CYP7B1: variants seen among roughly 807,000 people sequenced by gnomAD.
CYP7B1 encodes cytochrome P450 7B1.
CYP7B1 carries 29 observed loss-of-function variants against 42.7 expected under a neutral mutation model. That is an observed-to-expected ratio of 0.68 (90% CI 0.51 to 0.93). The LOEUF (loss-of-function observed/expected upper bound fraction) is 0.93. CYP7B1 is among the 40% of genes least tolerant of loss of function. CYP7B1 has a pLI of 0.00. For synonymous variants in CYP7B1, 235 were observed against 218.2 expected (o/e 1.08, Z -0.68); for missense variants, 655 against 600.5 (o/e 1.09, Z -0.95).
At position 64,754,910 on chromosome 8, in the gene CYP7B1, A is replaced by T. The variant is rs189854750; in HGVS notation, c.122+43556T>A. Among the ~76,000 whole-genome samples the T allele has an allele frequency of 3.3e-5, 5 of 152,326 alleles. No individual in the cohort carries two copies. In the East Asian group the frequency reaches 9.6e-4, roughly 29 times the overall value. On this transcript the variant is annotated intron_variant, in intron 1 of 5. Transcript: ENST00000310193. ...TTTCAGATCAAGAAATGAGTCAGTG[A>T]AAGATCTTGAAGATCTTAAGAGCAG... is the stretch of plus-strand genomic sequence containing the variant.
intron 1 of CYP7B1, among the ~76,000 whole-genome samples, chr8:64,676,268 A>T (rs1352734962): frequency 6.6e-6 from 1 of 152,122 alleles, no homozygotes; most frequent in Admixed American, 6.6e-5. Flanking sequence ...GAATTGGACA[A>T]AGTGCTTTAG....
At chr8:64,679,070 C>T (rs1585850253) in intron 1 of CYP7B1, among the ~76,000 whole-genome samples, 1 of 151,930 alleles carries the variant, frequency 6.6e-6, no homozygotes, top group South Asian at 2.1e-4. Flanking sequence ...GTAGAGTTGG[C>T]GATTCATAAA....
chr8:64,779,967 A>G (rs148810353), intron 1 of CYP7B1, among the ~76,000 whole-genome samples: 70 of 152,268 alleles, frequency 4.6e-4, no homozygotes, highest in African/African-American at 1.5e-3. Flanking sequence ...ACTGTTATAC[A>G]TATTTTTAAA....
chr8:64,626,074 T>C lies in CYP7B1; in HGVS notation c.123-1535A>G, dbSNP rs1483479928. Among the ~76,000 whole-genome samples the C allele has an allele frequency of 3.3e-5, 5 of 152,174 alleles. No individual in the cohort carries two copies. The East Asian group carries it at 9.6e-4, about 29-fold the overall frequency. ...ACCGAGTTTAGAACTAGATGGCACC[T>C]TGGAGACTTTCATGCAATTTCTCAT... is the stretch of plus-strand genomic sequence containing the variant. On this transcript the variant is annotated intron_variant, in intron 1 of 5. Transcript: ENST00000310193.
chr8:64,669,192 G>C (rs780809930), intron 1 of CYP7B1, among the ~76,000 whole-genome samples: 4 of 152,224 alleles, frequency 2.6e-5, no homozygotes, highest in Non-Finnish European at 5.9e-5. Context: ...GATAATTCCA[G>C]GGCTGTTGAT....
intron 1 of CYP7B1, among the ~76,000 whole-genome samples, chr8:64,648,637 G>A (rs544830494): frequency 1.9e-4 from 29 of 152,220 alleles, no homozygotes; most frequent in African/African-American, 5.5e-4. Context: ...ATTCTGTTTT[G>A]CTCTAGCCTC....
At chr8:64,692,001 A>G (rs1383331410) in intron 1 of CYP7B1, among the ~76,000 whole-genome samples, 1 of 152,246 alleles carries the variant, frequency 6.6e-6, no homozygotes, top group African/African-American at 2.4e-5. Context: ...GTCAGTCAGC[A>G]TCAACTGAAT....
At chr8:64,703,579 G>A (rs986897858) in intron 1 of CYP7B1, among the ~76,000 whole-genome samples, 5 of 151,926 alleles carry the variant, frequency 3.3e-5, no homozygotes, top group Admixed American at 6.6e-5. Flanking sequence ...GTAAACAAAC[G>A]AAAGAAGCAT....
At chr8:64,642,682 T>C (rs1191207078) in intron 1 of CYP7B1, among the ~76,000 whole-genome samples, 1 of 152,160 alleles carries the variant, frequency 6.6e-6, no homozygotes, top group African/African-American at 2.4e-5. Context: ...ATCCAAATTA[T>C]GGTCAGCTAT....
intron 1 of CYP7B1, among the ~76,000 whole-genome samples, chr8:64,769,805 C>T (rs1012357752): frequency 6.6e-6 from 1 of 152,096 alleles, no homozygotes; most frequent in Non-Finnish European, 1.5e-5. Context: ...CACCTTCATT[C>T]CCCCCATCCT....
At chr8:64,695,002 A>G (rs1044995841) in intron 1 of CYP7B1, among the ~76,000 whole-genome samples, 2 of 152,164 alleles carry the variant, frequency 1.3e-5, no homozygotes, top group African/African-American at 2.4e-5. Flanking sequence ...TCAATAATGC[A>G]TAAGATAAGA....
intron 1 of CYP7B1, among the ~76,000 whole-genome samples, chr8:64,750,891 C>T (rs1807716116): frequency 6.6e-6 from 1 of 152,188 alleles, no homozygotes; most frequent in South Asian, 2.1e-4. Context: ...GCCCTCTAGG[C>T]ATCACTGATG....
intron 1 of CYP7B1, among the ~76,000 whole-genome samples, chr8:64,738,881 G>A (rs1056014053): frequency 1.3e-5 from 2 of 152,110 alleles, no homozygotes; most frequent in Non-Finnish European, 1.5e-5. Flanking sequence ...AAATTCCTGG[G>A]GGGTGAGTGT....
intron 1 of CYP7B1, among the ~76,000 whole-genome samples, chr8:64,766,126 C>T (rs1162143717): frequency 6.6e-6 from 1 of 152,066 alleles, no homozygotes; most frequent in Non-Finnish European, 1.5e-5. Context: ...CCAGTGTAGA[C>T]CCTCACTGGG....
chr8:64,766,516 T>TA lies in CYP7B1; in HGVS notation c.122+31949dup, dbSNP rs796511928. 5.0e-3 allele frequency among the ~76,000 whole-genome samples: 693 copies of TA among 139,732 alleles called. 3 individuals carry two copies. The highest frequency in any genetic ancestry group is 0.015 in the East Asian group (74 of 4,808). The allele number at this position is 139,732 out of a possible 152,430, so 91.7% of individuals were successfully genotyped here. A position where few individuals can be genotyped will look rare whatever the true frequency, so the allele number is the denominator to read the frequency against. The stretch of plus-strand genomic sequence containing the variant: ...GCAGGCGGAACGGGACAAACGGGAT[T>TA]AAAAAAAAAAAAAGGCCACTGCTTT... On this transcript the variant is annotated intron_variant, in intron 1 of 5. Transcript: ENST00000310193.
At chr8:64,697,995 TC>T (rs1377383133) in intron 1 of CYP7B1, among the ~76,000 whole-genome samples, 1 of 152,208 alleles carries the variant, frequency 6.6e-6, no homozygotes, top group African/African-American at 2.4e-5. Flanking sequence ...CTTTTTGAAA[TC>T]AAGAGTAGAA....
downstream of CYP7B1, among the ~76,000 whole-genome samples, chr8:64,587,562 C>A (rs1464540787): frequency 6.6e-6 from 1 of 152,222 alleles, no homozygotes; most frequent in Admixed American, 6.5e-5. Flanking sequence ...CGGTTTTAAA[C>A]CCCAAAGAGC....
At chr8:64,602,418 G>C (rs552645075) in intron 5 of CYP7B1, among the ~76,000 whole-genome samples, 1 of 152,178 alleles carries the variant, frequency 6.6e-6, no homozygotes, top group South Asian at 2.1e-4. Flanking sequence ...GAAGACCATG[G>C]CCTGTCTTTG....
At chr8:64,667,372 T>C (rs1806297542) in intron 1 of CYP7B1, among the ~76,000 whole-genome samples, 1 of 152,134 alleles carries the variant, frequency 6.6e-6, no homozygotes, top group African/African-American at 2.4e-5. Flanking sequence ...CGGAGCATGC[T>C]GGTGCAGAGG....
Sources: gnomAD v4.1 joint callset for allele counts (sites outside exome capture counted in the v4.1 genomes callset) on GRCh38, gnomAD v4.1.1 for gene constraint, MANE v1.5 for transcripts, NCBI Gene and HGNC (gene_info 2026-07-23, HGNC 2026-07-21) for gene names.